REXO2: variants seen among roughly 807,000 people sequenced by gnomAD.
REXO2 encodes the protein oligoribonuclease, mitochondrial.
A neutral mutation model predicts 30.9 loss-of-function variants in REXO2; 17 were observed. The observed-to-expected ratio is 0.55, with a 90% CI of 0.38 to 0.82. The LOEUF (loss-of-function observed/expected upper bound fraction) is 0.82, where lower values mean the gene tolerates loss of function less well. Ranked by LOEUF, REXO2 falls within the 40% of genes least tolerant of loss-of-function variation. The probability of loss-of-function intolerance (pLI) is 0.00; values close to 1 mark genes in which losing one functional copy is unlikely to be tolerated. For missense variants in REXO2, 253 were observed against 293.2 expected (o/e 0.86, Z 1.00); for synonymous variants, 105 against 99.6 (o/e 1.05, Z -0.32).
intron 4 of REXO2, 152 bp from the exon 5 acceptor site, chr11:114,445,827 T>C: frequency 3.4e-6 from 2 of 588,648 alleles, no homozygotes; most frequent in Admixed American, 3.0e-5. Context: ...TAATCACATT[T>C]ACCCAAACCT....
intron 1 of REXO2, chr11:114,440,020 C>G: frequency 2.1e-6 from 1 of 483,596 alleles, no homozygotes; most frequent in Non-Finnish European, 3.9e-6. Flanking sequence ...CCCAGCTTCC[C>G]CCAACTAAAT....
In REXO2 at chr11:114,440,670, C is replaced by T. The variant is rs766221988; in HGVS notation, c.162C>T (p.Asp54=). Residue 54 remains aspartate (D), a synonymous_variant, in exon 2 of 7, where the codon GAC becomes GAT. Transcript: ENST00000265881. ...VWVDLEMTGL[D]IEKDQIIEMA... ...TTTAATTGCAGATGACAGGATTGGA[C>T]ATTGAGAAGGACCAGATTATTGAGA... 6.2e-6 allele frequency: 10 copies of T among 1,612,642 alleles called. No individual in the cohort carries two copies. Among genetic ancestry groups the T allele is most frequent in the Non-Finnish European group, 8.5e-6 (10 of 1,178,896 alleles).
At position 114,444,532 on chromosome 11, in the gene REXO2, C is replaced by T. The variant is rs925347622; in HGVS notation, c.310-9C>T. On this transcript the variant is annotated splice_polypyrimidine_tract_variant and intron_variant, in intron 3 of 6. Transcript: ENST00000265881. ...TTTTTGGTGGGGGGCTGGGGATTCT[C>T]TCTTGCAGTCTGGCCTTACCAAGGC... 4.4e-6 allele frequency: 7 copies of T among 1,593,430 alleles called. No homozygotes were observed. The highest frequency in any genetic ancestry group is 2.2e-5 in the East Asian group (1 of 44,798).
chr11:114,442,565 T>C (rs1946485654), intron 2 of REXO2, among the ~76,000 whole-genome samples: 1 of 152,240 alleles, frequency 6.6e-6, no homozygotes, highest in Non-Finnish European at 1.5e-5. Context: ...GCCATTTCTT[T>C]CAGTGATTGT....
chr11:114,448,518 G>C (rs751999532), intron 6 of REXO2, among the ~76,000 whole-genome samples: 1 of 152,178 alleles, frequency 6.6e-6, no homozygotes, highest in Non-Finnish European at 1.5e-5. Flanking sequence ...TCCCTAAAGA[G>C]TCTGGCATTC....
intron 1 of REXO2, 40 bp downstream of exon 1, chr11:114,439,715 G>A (rs1315905768): frequency 2.4e-5 from 35 of 1,448,752 alleles, no homozygotes; most frequent in Non-Finnish European, 3.2e-5. Context: ...GGCGAGTGAG[G>A]TTTCGCTCGT....
chr11:114,440,058 C>A, intron 1 of REXO2: 1 of 481,488 alleles, frequency 2.1e-6, no homozygotes, highest in Non-Finnish European at 4.1e-6. Context: ...TTGTTAGGGC[C>A]AGACGGGACT....
intron 1 of REXO2, among the ~76,000 whole-genome samples, 169 bp from the exon 2 acceptor site, chr11:114,440,487 G>C (rs751148212): frequency 1.8e-4 from 27 of 152,190 alleles, no homozygotes; most frequent in Non-Finnish European, 3.2e-4. Flanking sequence ...AATAAACGAG[G>C]ACTCGTGTTT....
At chr11:114,444,293 A>G in intron 3 of REXO2, 1 of 624,088 alleles carries the variant, frequency 1.6e-6, no homozygotes. Flanking sequence ...ATATCCTTGG[A>G]CTTTGAACAC....
At chr11:114,448,111 G>T (rs894925954) in intron 6 of REXO2, among the ~76,000 whole-genome samples, 6 of 152,122 alleles carry the variant, frequency 3.9e-5, no homozygotes, top group African/African-American at 1.4e-4. Flanking sequence ...AGATAGCTTG[G>T]TTTATAGGAA....
rs1946535772 is a variant in REXO2, at chr11:114,450,055, C to T, written c.*80C>T. 7.0e-7 allele frequency: 1 copy of T among 1,435,918 alleles called. No individual in the cohort carries two copies. Among genetic ancestry groups the T allele is most frequent in the Non-Finnish European group, 9.4e-7 (1 of 1,063,316 alleles). The allele number at this position is 1,435,918 out of a possible 1,614,324, so 88.9% of individuals were successfully genotyped here. A position where few individuals can be genotyped will look rare whatever the true frequency, so the allele number is the denominator to read the frequency against. ...TTTTTTTCTCACGCTGATGGCTTGG[C>T]AGAGCACCTTCGGTTAACTTGCATC... is the stretch of plus-strand genomic sequence containing the variant. On this transcript the variant is annotated 3_prime_UTR_variant, in exon 7 of 7. Coordinates refer to ENST00000265881, the MANE Select transcript of REXO2 (RefSeq NM_015523.4).
intron 4 of REXO2, 124 bp from the exon 5 acceptor site, chr11:114,445,855 G>A (rs1215510633): frequency 3.1e-6 from 2 of 641,026 alleles, no homozygotes; most frequent in Non-Finnish European, 5.6e-6. Flanking sequence ...AAATATAGAG[G>A]TGCTTTTAGG....
At chr11:114,440,880 G>A (rs983625418) in intron 2 of REXO2, 141 bp downstream of exon 2, 1 of 577,590 alleles carries the variant, frequency 1.7e-6, no homozygotes, top group South Asian at 2.5e-5. Flanking sequence ...CATGGTAGGG[G>A]TGGTACTAGA....
chr11:114,443,719 G>C, intron 2 of REXO2, 137 bp from the exon 3 acceptor site: 1 of 618,076 alleles, frequency 1.6e-6, no homozygotes, highest in Non-Finnish European at 2.9e-6. Context: ...TGGAATGAAG[G>C]GGGAACACTT....
rs959141346 is a variant in REXO2 at position 114,440,209 on chromosome 11, C to A, written c.148-447C>A. On this transcript the variant is annotated intron_variant, in intron 1 of 6. Transcript: ENST00000265881. The stretch of plus-strand genomic sequence containing the variant: ...CCCAGTTCCTATCCCTTCAGGCTTT[C>A]CATGCCCGAAACAAGGGCTCCTCCC... 11 of 448,582 alleles carry A rather than the reference C, an allele frequency of 2.5e-5. No individual in the cohort carries two copies. The Admixed American group carries it at 2.8e-4, about 11-fold the overall frequency. 27.8% of individuals were successfully genotyped at this position (448,582 alleles called of 1,614,324 possible). A position where few individuals can be genotyped will look rare whatever the true frequency, so the allele number is the denominator to read the frequency against.
At chr11:114,444,693 G>A (rs756037117) in intron 4 of REXO2, 41 bp downstream of exon 4, 2 of 1,331,490 alleles carry the variant, frequency 1.5e-6, no homozygotes, top group African/African-American at 1.5e-5. Context: ...TCTTCCATAT[G>A]TAGTGGTTCA....
intron 6 of REXO2, chr11:114,449,380 C>T (rs1946531448): frequency 6.6e-6 from 1 of 152,452 alleles, no homozygotes; most frequent in Non-Finnish European, 1.5e-5. Context: ...TATAAGTATT[C>T]TACAAATGTG....
intron 1 of REXO2, chr11:114,439,908 T>TCTTCTC: frequency 3.5e-6 from 2 of 578,910 alleles, no homozygotes; most frequent in South Asian, 4.2e-5. Flanking sequence ...CCGTGTGGCT[T>TCTTCTC]CTTCTCCTCC....
At chr11:114,441,525 C>G (rs182838909) in intron 2 of REXO2, among the ~76,000 whole-genome samples, 1 of 152,334 alleles carries the variant, frequency 6.6e-6, no homozygotes, top group Admixed American at 6.5e-5. Flanking sequence ...GGATGTGACA[C>G]CATCTGGTAG....
Sources: allele counts gnomAD v4.1 joint callset (sites outside exome capture counted in the v4.1 genomes callset), GRCh38; gene constraint gnomAD v4.1.1; transcripts MANE v1.5; gene names NCBI Gene and HGNC (gene_info 2026-07-23, HGNC 2026-07-21).